Variants in CFAP299 observed in about 807,000 individuals in gnomAD.
CFAP299 encodes cilia- and flagella-associated protein 299.
In CFAP299, 21 loss-of-function variants were observed where a neutral mutation model predicts 27.0. The observed-to-expected ratio is 0.78, with a 90% confidence interval of 0.55 to 1.12. CFAP299 has a LOEUF of 1.12. Among genes scored for constraint, CFAP299 ranks in the 50% most tolerant of loss-of-function variants. The probability of loss-of-function intolerance (pLI) is 0.00; values close to 1 mark genes in which losing one functional copy is unlikely to be tolerated. For synonymous variants in CFAP299, 104 were observed against 98.1 expected, an observed-to-expected ratio of 1.06 and a Z score of -0.36; for missense variants, 310 against 276.6, an observed-to-expected ratio of 1.12 and a Z score of -0.86.
chr4:80,325,451 T>A, the CFAP299 span, among the ~76,000 whole-genome samples: 1 of 152,248 alleles, frequency 6.6e-6, no homozygotes, highest in Admixed American at 6.5e-5. Flanking sequence ...TACCCTTAGT[T>A]GTGTCTGAAC....
At chr4:80,958,403 T>C (rs1480399631) in intron 5 of CFAP299, among the ~76,000 whole-genome samples, 1 of 152,150 alleles carries the variant, frequency 6.6e-6, no homozygotes, top group East Asian at 1.9e-4. Flanking sequence ...GACAACTTCT[T>C]ACTGAACTGA....
At chr4:80,901,655 A>G (rs941483829) in intron 4 of CFAP299, among the ~76,000 whole-genome samples, 8 of 152,100 alleles carry the variant, frequency 5.3e-5, no homozygotes, top group African/African-American at 1.9e-4. Flanking sequence ...TCCACTGTCT[A>G]GAATAACAGA....
At chr4:80,911,060 A>G (rs1327367384) in intron 4 of CFAP299, among the ~76,000 whole-genome samples, 1 of 152,070 alleles carries the variant, frequency 6.6e-6, no homozygotes, top group Non-Finnish European at 1.5e-5. Context: ...TTTATTCTTA[A>G]AATAAGTACT....
At chr4:80,497,586 G>A (rs1731517441) in intron 2 of CFAP299, among the ~76,000 whole-genome samples, 1 of 151,860 alleles carries the variant, frequency 6.6e-6, no homozygotes, top group African/African-American at 2.4e-5. Context: ...TACCATTTGG[G>A]TATTTTCATA....
Position 80,347,204 on chromosome 4 carries a change from T to C in CFAP299, c.111+11325T>C, listed in dbSNP as rs537243422. ...ACGATGGGGTTTTCTAAATATACAATCATGTCATCTGCAAACAGGGACAAT... is the reference window on the plus strand; with the variant it reads ...ACGATGGGGTTTTCTAAATATACAACCATGTCATCTGCAAACAGGGACAAT... On this transcript the variant is annotated intron_variant, in intron 1 of 5. Transcript: ENST00000358105. Among the ~76,000 whole-genome samples the C allele has an allele frequency of 3.3e-5, 5 of 152,268 alleles. No individual in the cohort carries two copies. In the South Asian group the frequency reaches 1.0e-3, roughly 32 times the overall value.
intron 3 of CFAP299, among the ~76,000 whole-genome samples, chr4:80,708,520 G>T (rs912460327): frequency 1.3e-5 from 2 of 152,062 alleles, no homozygotes; most frequent in Non-Finnish European, 2.9e-5. Context: ...AATTGGAAAA[G>T]GCTCTTGGTT....
chr4:80,326,443 A>G, the CFAP299 span, among the ~76,000 whole-genome samples: 1 of 152,194 alleles, frequency 6.6e-6, no homozygotes, highest in Non-Finnish European at 1.5e-5. Flanking sequence ...ATTACTTGAG[A>G]CTTTATGTTC....
At chr4:80,368,456 T>C (rs1398564152) in intron 2 of CFAP299, among the ~76,000 whole-genome samples, 1 of 152,214 alleles carries the variant, frequency 6.6e-6, no homozygotes, top group East Asian at 1.9e-4. Flanking sequence ...TGCTATAATG[T>C]ATAGTTATCT....
intron 3 of CFAP299, among the ~76,000 whole-genome samples, chr4:80,839,023 AGTTT>A (rs1423595443): frequency 6.6e-6 from 1 of 152,106 alleles, no homozygotes; most frequent in Non-Finnish European, 1.5e-5. Context: ...CTGCTTATTT[AGTTT>A]ATCGTTCTTT....
chr4:80,457,884 C>T (rs973665636), intron 2 of CFAP299, among the ~76,000 whole-genome samples: 16 of 152,112 alleles, frequency 1.1e-4, no homozygotes, highest in Admixed American at 4.6e-4. Flanking sequence ...TTTTCTGAAA[C>T]GTTACTTCTG....
At chr4:80,331,403 A>G (rs1490090352), upstream of CFAP299, among the ~76,000 whole-genome samples, 1 of 152,220 alleles carries the variant, frequency 6.6e-6, no homozygotes, top group Non-Finnish European at 1.5e-5. Flanking sequence ...AGCAAACACT[A>G]ACTACATTTT....
At chr4:80,334,062 G>T (rs1037125221), upstream of CFAP299, among the ~76,000 whole-genome samples, 4 of 152,126 alleles carry the variant, frequency 2.6e-5, no homozygotes, top group African/African-American at 2.4e-5. Flanking sequence ...AAGCTGATTT[G>T]CTGAAAATCA....
chr4:80,634,601 C>T (rs1739395497), intron 3 of CFAP299, among the ~76,000 whole-genome samples: 2 of 152,062 alleles, frequency 1.3e-5, no homozygotes, highest in African/African-American at 4.8e-5. Flanking sequence ...AACTTTCTAC[C>T]TTGGCTGCAA....
intron 2 of CFAP299, among the ~76,000 whole-genome samples, chr4:80,435,439 A>G (rs1335725183): frequency 6.6e-6 from 1 of 152,230 alleles, no homozygotes; most frequent in East Asian, 1.9e-4. Flanking sequence ...ATTGCCTACA[A>G]GCTTACTAAG....
chr4:80,864,476 GTATACATATATACACATATA>G (rs1560452840), intron 3 of CFAP299, among the ~76,000 whole-genome samples: 1 of 131,494 alleles, frequency 7.6e-6, no homozygotes, highest in East Asian at 2.1e-4. Context: ...ATACCTATGT[GTATACATATATACACATATA>G]TATACATATA....
At chr4:80,646,854 T>G (rs1740034458) in intron 3 of CFAP299, among the ~76,000 whole-genome samples, 1 of 152,172 alleles carries the variant, frequency 6.6e-6, no homozygotes, top group South Asian at 2.1e-4. Flanking sequence ...GCCAAATGGA[T>G]TAATAATTAA....
intron 3 of CFAP299, among the ~76,000 whole-genome samples, chr4:80,807,723 T>TA (rs1013608869): frequency 6.6e-6 from 1 of 152,132 alleles, no homozygotes; most frequent in African/African-American, 2.4e-5. Flanking sequence ...TGCATTTATA[T>TA]AAAAAATCTG....
intron 3 of CFAP299, among the ~76,000 whole-genome samples, chr4:80,787,292 T>A (rs1727303278): frequency 6.6e-6 from 1 of 150,638 alleles, no homozygotes; most frequent in Non-Finnish European, 1.5e-5. Context: ...TTAATCTCAA[T>A]TTCCCTTTTG....
At position 80,772,226 on chromosome 4, in the gene CFAP299, C is replaced by T. The variant is rs149701295; in HGVS notation, c.334-97767C>T. 1.1e-3 allele frequency among the ~76,000 whole-genome samples: 165 copies of T among 152,250 alleles called. 1 individual carries two copies. The highest frequency in any genetic ancestry group is 3.7e-3 in the African/African-American group (153 of 41,536). ...GGTCAATAAGAGATTAGTGAATATCCTTTGCTTTACAAAACGTGATAAACC... is the reference window on the plus strand; with the variant it reads ...GGTCAATAAGAGATTAGTGAATATCTTTTGCTTTACAAAACGTGATAAACC... On this transcript the variant is annotated intron_variant, in intron 3 of 5. Transcript: ENST00000358105.
Sources: gnomAD v4.1 joint callset for allele counts (sites outside exome capture counted in the v4.1 genomes callset) on GRCh38, gnomAD v4.1.1 for gene constraint, MANE v1.5 for transcripts, NCBI Gene and HGNC (gene_info 2026-07-23, HGNC 2026-07-21) for gene names.